THSD7B: variants seen among roughly 807,000 people sequenced by gnomAD.
THSD7B encodes thrombospondin type 1 domain containing 7B, also known as thrombospondin type-1 domain-containing protein 7B.
THSD7B carries 138 observed loss-of-function variants against 213.6 expected under a neutral mutation model. That is an observed-to-expected ratio of 0.65 (90% CI 0.56 to 0.74). THSD7B has a LOEUF of 0.74. Among genes scored for constraint, THSD7B ranks in the 30% least tolerant of loss-of-function variants. THSD7B has a pLI of 0.00. For synonymous variants in THSD7B, 742 were observed against 687.0 expected, an observed-to-expected ratio of 1.08 and a Z score of -1.25; for missense variants, 1,931 against 1,991.5, an observed-to-expected ratio of 0.97 and a Z score of 0.58.
At chr2:137,480,846 T>C (rs1263694914) in intron 15 of THSD7B, among the ~76,000 whole-genome samples, 1 of 152,238 alleles carries the variant, frequency 6.6e-6, no homozygotes, top group African/African-American at 2.4e-5. Flanking sequence ...TTATAATAAT[T>C]TTTCCCAGAA....
intron 1 of THSD7B, among the ~76,000 whole-genome samples, chr2:136,873,433 T>G (rs1194048524): frequency 2.6e-5 from 4 of 152,278 alleles, no homozygotes; most frequent in Non-Finnish European, 5.9e-5. Context: ...AACAAGTTAC[T>G]AAACATCATG....
At chr2:137,201,180 C>A (rs921594460) in intron 7 of THSD7B, among the ~76,000 whole-genome samples, 3 of 152,072 alleles carry the variant, frequency 2.0e-5, no homozygotes, top group Non-Finnish European at 2.9e-5. Flanking sequence ...ATTTTGATGG[C>A]CATTTTAGTG....
chr2:136,828,992 C>T (rs1381002543), intron 1 of THSD7B, among the ~76,000 whole-genome samples: 2 of 152,130 alleles, frequency 1.3e-5, no homozygotes, highest in Admixed American at 6.5e-5. Context: ...AATCCTATTT[C>T]TTCTATGAAC....
intron 14 of THSD7B, among the ~76,000 whole-genome samples, chr2:137,438,439 T>C (rs2105050045): frequency 6.6e-6 from 1 of 152,258 alleles, no homozygotes; most frequent in Admixed American, 6.5e-5. Flanking sequence ...AAAGTCTAGA[T>C]AGTATATATA....
At chr2:137,266,831 C>T (rs1182016095) in intron 10 of THSD7B, among the ~76,000 whole-genome samples, 1 of 152,156 alleles carries the variant, frequency 6.6e-6, no homozygotes, top group African/African-American at 2.4e-5. Context: ...CCTGTTCTAC[C>T]ACCCACTTGC....
intron 12 of THSD7B, among the ~76,000 whole-genome samples, chr2:137,288,292 T>C (rs3851338): frequency 0.22 from 33,712 of 152,024 alleles, 4,550 homozygotes; most frequent in South Asian, 0.41. Context: ...GCCAACCATG[T>C]CATGAAAAAT....
intron 1 of THSD7B, among the ~76,000 whole-genome samples, chr2:136,839,076 C>G (rs1573662689): frequency 6.6e-6 from 1 of 152,060 alleles, no homozygotes; most frequent in Non-Finnish European, 1.5e-5. Flanking sequence ...TATAAACTAC[C>G]CTTGAGACAC....
At chr2:137,612,733 C>A (rs375717984) in intron 17 of THSD7B, among the ~76,000 whole-genome samples, 42 of 152,150 alleles carry the variant, frequency 2.8e-4, no homozygotes, top group African/African-American at 9.2e-4. Flanking sequence ...TAGAAAACAA[C>A]ACACTTTGGA....
At chr2:137,364,291 C>G (rs1685350590) in intron 12 of THSD7B, among the ~76,000 whole-genome samples, 1 of 152,158 alleles carries the variant, frequency 6.6e-6, no homozygotes, top group South Asian at 2.1e-4. Context: ...CAATATCATA[C>G]TGAATGGGCA....
chr2:136,906,065 C>A (rs1246663483), intron 2 of THSD7B, among the ~76,000 whole-genome samples: 1 of 152,204 alleles, frequency 6.6e-6, no homozygotes. Context: ...CCTTCTCTGC[C>A]TTTCACACCT....
intron 2 of THSD7B, among the ~76,000 whole-genome samples, chr2:136,907,454 C>T (rs1230919688): frequency 6.6e-6 from 1 of 152,078 alleles, no homozygotes; most frequent in Admixed American, 6.5e-5. Context: ...CTTATTTTAT[C>T]AGATCTGTGA....
At chr2:137,062,530 GT>G (rs1202286023) in intron 3 of THSD7B, among the ~76,000 whole-genome samples, 1 of 151,482 alleles carries the variant, frequency 6.6e-6, no homozygotes, top group Non-Finnish European at 1.5e-5. Context: ...TTTTCATGTA[GT>G]TCTAAATATT....
At chr2:137,379,679 C>T (rs986281038) in intron 12 of THSD7B, among the ~76,000 whole-genome samples, 1 of 152,180 alleles carries the variant, frequency 6.6e-6, no homozygotes, top group African/African-American at 2.4e-5. Context: ...GCTAGAACAT[C>T]CTCTGGGAGG....
At chr2:137,370,340 C>A (rs777726646) in intron 12 of THSD7B, among the ~76,000 whole-genome samples, 3 of 152,168 alleles carry the variant, frequency 2.0e-5, no homozygotes, top group African/African-American at 4.8e-5. Flanking sequence ...TTCTCCCCAG[C>A]ATCAACTACT....
chr2:136,810,189 C>T (rs1374818255), intron 1 of THSD7B, among the ~76,000 whole-genome samples: 2 of 152,128 alleles, frequency 1.3e-5, no homozygotes, highest in Non-Finnish European at 2.9e-5. Context: ...GAGTTCATGG[C>T]CCATGAAAGC....
chr2:137,497,727 C>A (rs560457034), intron 15 of THSD7B, among the ~76,000 whole-genome samples: 9 of 152,082 alleles, frequency 5.9e-5, no homozygotes, highest in Non-Finnish European at 1.0e-4. Flanking sequence ...TTAATTTCAA[C>A]TGGCAGACTG....
chr2:136,923,403 A>G (rs1000656884), intron 2 of THSD7B, among the ~76,000 whole-genome samples: 6 of 152,162 alleles, frequency 3.9e-5, no homozygotes, highest in African/African-American at 1.4e-4. Context: ...TAATGCTGTA[A>G]TGTGCATGAG....
At chr2:136,990,175 T>G (rs189868097) in intron 2 of THSD7B, among the ~76,000 whole-genome samples, 1 of 152,366 alleles carries the variant, frequency 6.6e-6, no homozygotes, top group East Asian at 1.9e-4. Flanking sequence ...ATACATGTAG[T>G]TAACGGCGGA....
chr2:136,962,932 C>T (rs1685250955), intron 2 of THSD7B, among the ~76,000 whole-genome samples: 1 of 152,028 alleles, frequency 6.6e-6, no homozygotes, highest in Non-Finnish European at 1.5e-5. Context: ...TTTTAGAATA[C>T]TTGTGTTTTG....
Sources: allele counts gnomAD v4.1 joint callset (sites outside exome capture counted in the v4.1 genomes callset), GRCh38; gene constraint gnomAD v4.1.1; transcripts MANE v1.5; gene names NCBI Gene and HGNC (gene_info 2026-07-23, HGNC 2026-07-21).